Variants in EXOC6B observed in about 807,000 individuals in gnomAD.
The protein encoded by EXOC6B is SEC15 homolog B.
EXOC6B carries 54 observed loss-of-function variants against 113.5 expected under a neutral mutation model. The ratio of observed to expected loss-of-function variants is 0.48; its 90% CI spans 0.38 to 0.60. The LOEUF (loss-of-function observed/expected upper bound fraction) is 0.60. Ranked by LOEUF, EXOC6B falls within the 20% of genes least tolerant of loss-of-function variation. The pLI is 0.00. For synonymous variants in EXOC6B, 357 were observed against 339.0 expected (o/e 1.05, Z -0.58); for missense variants, 797 against 977.5 (o/e 0.82, Z 2.46).
chr2:72,409,699 A>C (rs1694033943), intron 18 of EXOC6B, among the ~76,000 whole-genome samples: 1 of 136,350 alleles, frequency 7.3e-6, no homozygotes, highest in Non-Finnish European at 1.6e-5. Context: ...GGGGAACATC[A>C]CACACCGGGG....
chr2:72,513,886 A>C (rs184156466), intron 10 of EXOC6B, among the ~76,000 whole-genome samples: 84 of 152,176 alleles, frequency 5.5e-4, no homozygotes, highest in African/African-American at 1.9e-3. Context: ...TTATTAGGGA[A>C]TTTTTATGAT....
chr2:72,236,462 A>G (rs1322378749), intron 20 of EXOC6B, among the ~76,000 whole-genome samples: 1 of 152,158 alleles, frequency 6.6e-6, no homozygotes, highest in Non-Finnish European at 1.5e-5. Flanking sequence ...AAATCGCCAA[A>G]TATTTGGTTT....
At chr2:72,372,725 G>C (rs1691114622) in intron 19 of EXOC6B, among the ~76,000 whole-genome samples, 1 of 151,902 alleles carries the variant, frequency 6.6e-6, no homozygotes, top group East Asian at 1.9e-4. Flanking sequence ...CACACCTGTA[G>C]TCCCAGCTAA....
At chr2:72,459,835 C>T (rs1697507421) in intron 18 of EXOC6B, among the ~76,000 whole-genome samples, 1 of 152,240 alleles carries the variant, frequency 6.6e-6, no homozygotes, top group South Asian at 2.1e-4. Context: ...TGACTTTCTT[C>T]ACAGAATTGG....
chr2:72,730,947 G>T, intron 5 of EXOC6B, 60 bp downstream of exon 5: 2 of 1,204,302 alleles, frequency 1.7e-6, no homozygotes, highest in Non-Finnish European at 2.3e-6. Context: ...GGACCTAAAC[G>T]TATTCTAAAC....
intron 20 of EXOC6B, among the ~76,000 whole-genome samples, chr2:72,230,702 ATAAATT>A (rs1681565286): frequency 6.6e-6 from 1 of 152,216 alleles, no homozygotes; most frequent in African/African-American, 2.4e-5. Context: ...ATAGGATAAA[ATAAATT>A]TAAGTGTGCA....
At chr2:72,679,813 C>G (rs765089596) in intron 6 of EXOC6B, among the ~76,000 whole-genome samples, 13 of 152,288 alleles carry the variant, frequency 8.5e-5, no homozygotes, top group Non-Finnish European at 1.5e-4. Context: ...AACAATGATT[C>G]TGGTGGTATT....
intron 1 of EXOC6B, among the ~76,000 whole-genome samples, chr2:72,783,478 C>G (rs540414499): frequency 6.6e-6 from 1 of 151,826 alleles, no homozygotes; most frequent in Non-Finnish European, 1.5e-5. Context: ...GCTGGGCCAC[C>G]ATGCCCAGCT....
chr2:72,275,285 G>T (rs1250768928), intron 20 of EXOC6B, among the ~76,000 whole-genome samples: 1 of 152,054 alleles, frequency 6.6e-6, no homozygotes, highest in Non-Finnish European at 1.5e-5. Context: ...CTGCTGTAGG[G>T]TTTTACCTAC....
At chr2:72,644,040 A>T (rs1010861369) in intron 6 of EXOC6B, among the ~76,000 whole-genome samples, 4 of 152,146 alleles carry the variant, frequency 2.6e-5, no homozygotes, top group Non-Finnish European at 5.9e-5. Flanking sequence ...AGGAAGCTGA[A>T]AACCTTGAAA....
At chr2:72,464,414 AAGTAC>A (rs924844200) in intron 18 of EXOC6B, 1 of 152,234 alleles carries the variant, frequency 6.6e-6, no homozygotes, top group Non-Finnish European at 1.5e-5. Context: ...AGGGCAAACA[AAGTAC>A]ACTACAACTG....
chr2:72,443,833 G>A (rs1235568774), intron 18 of EXOC6B, among the ~76,000 whole-genome samples: 1 of 152,150 alleles, frequency 6.6e-6, no homozygotes, highest in African/African-American at 2.4e-5. Flanking sequence ...CGACATGTGG[G>A]AATTACAGGA....
intron 6 of EXOC6B, among the ~76,000 whole-genome samples, chr2:72,620,434 C>A (rs935655418): frequency 6.8e-6 from 1 of 148,098 alleles, no homozygotes; most frequent in Admixed American, 6.6e-5. Context: ...CACTTGTAAC[C>A]CTGAACTTAA....
chr2:72,634,258 GT>G (rs1261409430), intron 6 of EXOC6B, among the ~76,000 whole-genome samples: 5 of 152,114 alleles, frequency 3.3e-5, no homozygotes, highest in Non-Finnish European at 7.4e-5. Context: ...TGCTAAAAAT[GT>G]TTTTTACATT....
chr2:72,222,355 G>A (rs62147588), intron 20 of EXOC6B, among the ~76,000 whole-genome samples: 7,137 of 152,208 alleles, frequency 0.047, 189 homozygotes, highest in African/African-American at 0.056. Context: ...TAAAGTATGG[G>A]GGAAAATGTT....
At chr2:72,580,901 C>T (rs957041701) in intron 6 of EXOC6B, among the ~76,000 whole-genome samples, 1 of 152,200 alleles carries the variant, frequency 6.6e-6, no homozygotes, top group Non-Finnish European at 1.5e-5. Context: ...CAGAGAGTCC[C>T]ATGGATTAAG....
At chr2:72,207,340 A>G (rs1679898961) in intron 20 of EXOC6B, among the ~76,000 whole-genome samples, 1 of 152,194 alleles carries the variant, frequency 6.6e-6, no homozygotes, top group Non-Finnish European at 1.5e-5. Context: ...ACAGTGGTTA[A>G]AAGTGTCAAC....
At chr2:72,732,944 G>A (rs902170690) in intron 3 of EXOC6B, 127 bp downstream of exon 3, 2 of 728,784 alleles carry the variant, frequency 2.7e-6, no homozygotes, top group Non-Finnish European at 4.8e-6. Flanking sequence ...ATTAGGAAAA[G>A]CAACAATAAT....
chr2:72,573,888 G>C (rs1704661176), intron 7 of EXOC6B, among the ~76,000 whole-genome samples: 1 of 152,082 alleles, frequency 6.6e-6, no homozygotes, highest in Non-Finnish European at 1.5e-5. Context: ...GTCCGAGTCG[G>C]GTGGATCACG....
Sources: gnomAD v4.1 joint callset for allele counts (sites outside exome capture counted in the v4.1 genomes callset) on GRCh38, gnomAD v4.1.1 for gene constraint, MANE v1.5 for transcripts, NCBI Gene and HGNC (gene_info 2026-07-23, HGNC 2026-07-21) for gene names.